Variants in CCL14 observed in about 807,000 individuals in gnomAD.
The protein encoded by CCL14 is C-C motif chemokine 14.
A neutral mutation model predicts 8.2 loss-of-function variants in CCL14; 8 were observed. The observed-to-expected ratio is 0.98, with a 90% CI of 0.57 to 1.76. The LOEUF is 1.76. CCL14 is among the 40% of genes most tolerant of loss of function. The probability of loss-of-function intolerance (pLI) is 0.00; values close to 1 mark genes in which losing one functional copy is unlikely to be tolerated. For missense variants in CCL14, 127 were observed against 118.3 expected, an observed-to-expected ratio of 1.07 and a Z score of -0.34; for synonymous variants, 50 against 43.2, an observed-to-expected ratio of 1.16 and a Z score of -0.62.
intron 1 of CCL14, chr17:35,985,599 C>T (rs1303014322): frequency 1.5e-6 from 1 of 670,416 alleles, no homozygotes; most frequent in Non-Finnish European, 2.6e-6. Flanking sequence ...TGTTTTCCAG[C>T]TCCATTCCAG....
chr17:35,983,771 G>T lies in CCL14; in HGVS notation c.*30C>A. ...TGGCATCTTCTCTTTATGTCTCTGA[G>T]CTGTGCCTTCGCCACCCCTTCTGGG... On this transcript the variant is annotated 3_prime_UTR_variant, in exon 3 of 3. Transcript: ENST00000618404. 1 of 1,490,304 alleles carries T rather than the reference G, an allele frequency of 6.7e-7. No homozygotes were observed. The highest frequency in any genetic ancestry group is 9.4e-7 in the Non-Finnish European group (1 of 1,067,028). The allele number at this position is 1,490,304 out of a possible 1,614,324, so 92.3% of individuals were successfully genotyped here.
intron 1 of CCL14, chr17:35,985,908 C>T (rs1264989044): frequency 1.7e-5 from 14 of 844,030 alleles, no homozygotes; most frequent in Non-Finnish European, 2.1e-5. Context: ...GGACCCCACA[C>T]TGTCGTGTTT....
intron 1 of CCL14, 198 bp from the exon 2 acceptor site, chr17:35,984,650 C>T (rs1357721284): frequency 1.7e-6 from 1 of 596,962 alleles, no homozygotes; most frequent in Admixed American, 3.0e-5. Flanking sequence ...TCTCCTCCCT[C>T]ATCATCAATC....
Position 35,983,781 on chromosome 17 carries a change from C to A in CCL14, c.*20G>T. The A allele has an allele frequency of 6.4e-7, 1 of 1,567,570 alleles. No homozygotes were observed. The highest frequency in any genetic ancestry group is 8.8e-7 in the Non-Finnish European group (1 of 1,137,592). ...TCTTTATGTCTCTGAGCTGTGCCTT[C>A]GCCACCCCTTCTGGGTCACTCAGTT... On this transcript the variant is annotated 3_prime_UTR_variant, in exon 3 of 3. Coordinates refer to ENST00000618404, the MANE Select transcript of CCL14 (RefSeq NM_032963.4).
intron 1 of CCL14, chr17:35,985,886 G>A: frequency 9.1e-7 from 1 of 1,100,824 alleles, no homozygotes; most frequent in Non-Finnish European, 1.4e-6. Flanking sequence ...CTGAGAAAAG[G>A]GGGCCTAGGA....
rs373690478 is a variant in CCL14 at position 35,983,852 on chromosome 17, G to A, written c.231C>T (p.Asn77=). 2.5e-5 allele frequency: 40 copies of A among 1,613,974 alleles called. No homozygotes were observed. The African/African-American group carries it at 4.9e-4, about 20-fold the overall frequency. The part of the protein sequence containing the change: ...ITKRGHSVCT[N]PSDKWVQDYI... ...AGTCCTGGACCCACTTGTCACTGGG[G>A]TTGGTACAGACGGAATGGCCCCTTT... The change falls in exon 3 of 3, where the codon AAC becomes AAT. Residue 77 remains asparagine (N), a synonymous_variant. Transcript: ENST00000618404.
chr17:35,983,960 C>T (rs2089714160), intron 2 of CCL14, 72 bp from the exon 3 acceptor site: 4 of 1,131,164 alleles, frequency 3.5e-6, no homozygotes, highest in Non-Finnish European at 5.4e-6. Flanking sequence ...CATCTTCCCT[C>T]CCTCCTAAAT....
At position 35,983,786 on chromosome 17, in the gene CCL14, C is replaced by T. The variant is rs2089709759; in HGVS notation, c.*15G>A. ...ATGTCTCTGAGCTGTGCCTTCGCCA[C>T]CCCTTCTGGGTCACTCAGTTCTCCT... On this transcript the variant is annotated 3_prime_UTR_variant, in exon 3 of 3. Transcript: ENST00000618404. The T allele has an allele frequency of 1.9e-6, 3 of 1,590,938 alleles. No individual in the cohort carries two copies. Among genetic ancestry groups the T allele is most frequent in the Non-Finnish European group, 2.6e-6 (3 of 1,158,874 alleles).
chr17:35,983,753 T>G lies in CCL14; in HGVS notation c.*48A>C. Reference sequence around the variant, plus strand: ...GGGTGGAGGAGGGGGCCTTGGCATCTTCTCTTTATGTCTCTGAGCTGTGCC... The same window carrying G: ...GGGTGGAGGAGGGGGCCTTGGCATCGTCTCTTTATGTCTCTGAGCTGTGCC... On this transcript the variant is annotated 3_prime_UTR_variant, in exon 3 of 3. Transcript: ENST00000618404. The G allele has an allele frequency of 7.2e-7, 1 of 1,380,170 alleles. No homozygotes were observed. The highest frequency in any genetic ancestry group is 2.3e-5 in the East Asian group (1 of 43,730). 85.5% of individuals were successfully genotyped at this position (1,380,170 alleles called of 1,614,324 possible).
In CCL14 at chr17:35,983,836, C is replaced by A; in HGVS notation, c.247G>T (p.Val83Phe). The change falls in exon 3 of 3, where the codon GTC becomes TTC. Residue 83 changes from valine (V) to phenylalanine (F), a missense_variant. Physicochemically the swap from Val to Phe is conservative, Grantham distance 50 (BLOSUM62 -1). Coordinates refer to ENST00000618404, the MANE Select transcript of CCL14 (RefSeq NM_032963.4). ...SVCTNPSDKW[V>F]QDYIKDMKEN ...TTCATGTCCTTGATATAGTCCTGGA[C>A]CCACTTGTCACTGGGGTTGGTACAG... 6.2e-7 allele frequency: 1 copy of A among 1,613,992 alleles called. No individual in the cohort carries two copies. The highest frequency in any genetic ancestry group is 1.3e-5 in the African/African-American group (1 of 75,016).
At chr17:35,984,781 AG>A (rs1197654746) in intron 1 of CCL14, 1 of 493,338 alleles carries the variant, frequency 2.0e-6, no homozygotes, top group Admixed American at 3.5e-5. Context: ...CTGGCAGAGA[AG>A]GCTAGGGACT....
chr17:35,986,589 T>C lies in CCL14; in HGVS notation c.61A>G (p.Lys21Glu), dbSNP rs768486408. The change falls in exon 1 of 3, where the codon AAG becomes GAG. Residue 21 changes from lysine to glutamate, a missense_variant. By Grantham distance (56) the Lys-to-Glu change is moderately conservative (BLOSUM62 1). Transcript: ENST00000618404. Reference sequence around the variant, plus strand: ...CACTCACGTGAGGAGGATTCAGTCTTGGTCCCTAGGGCGATGGTGATGAGG... The same window carrying C: ...CACTCACGTGAGGAGGATTCAGTCTCGGTCCCTAGGGCGATGGTGATGAGG... ...FLLITIALGT[K>E]TESSSRGPYH... The C allele has an allele frequency of 6.2e-7, 1 of 1,613,762 alleles. No homozygotes were observed. The highest frequency in any genetic ancestry group is 8.5e-7 in the Non-Finnish European group (1 of 1,179,782).
chr17:35,984,375 A>G lies in CCL14; in HGVS notation c.157T>C (p.Tyr53His). 6.2e-7 allele frequency: 1 copy of G among 1,613,936 alleles called. No homozygotes were observed. Among genetic ancestry groups the G allele is most frequent in the Non-Finnish European group, 8.5e-7 (1 of 1,179,944 alleles). The change falls in exon 2 of 3, where the codon TAT (tyrosine) becomes CAT (histidine). Residue 53 changes from tyrosine to histidine, a missense_variant. Tyr to His is a moderately conservative substitution (Grantham distance 83). Coordinates refer to ENST00000618404, the MANE Select transcript of CCL14 (RefSeq NM_032963.4). ...KIPRQRIMDY[Y>H]ETNSQCSKPG... ...TTGGAGCACTGGCTGTTGGTCTCAT[A>G]GTAATCCATAATCCGCTGACGCGGG...
In CCL14 at chr17:35,986,552, G is replaced by C. The variant is rs751520401; in HGVS notation, c.79+19C>G. On this transcript the variant is annotated intron_variant, in intron 1 of 2. Transcript: ENST00000618404. ...CCTGCAGGCTCTAGGTTGGAAGGAA[G>C]ACAAGGCATTGCACTCACGTGAGGA... The C allele has an allele frequency of 1.9e-6, 3 of 1,600,544 alleles. 1 individual carries two copies. In the South Asian group the frequency reaches 3.3e-5, roughly 18 times the overall value.
intron 1 of CCL14, chr17:35,985,908 C>A: frequency 1.2e-6 from 1 of 844,148 alleles, no homozygotes; most frequent in Non-Finnish European, 1.9e-6. Flanking sequence ...GGACCCCACA[C>A]TGTCGTGTTT....
chr17:35,986,163 G>T (rs1024976144), intron 1 of CCL14: 1 of 368,532 alleles, frequency 2.7e-6, no homozygotes, highest in Non-Finnish European at 4.8e-6. Flanking sequence ...TGAGGGCAAG[G>T]GGGGACTGGT....
intron 1 of CCL14, chr17:35,985,860 T>C: frequency 7.5e-7 from 1 of 1,327,882 alleles, no homozygotes; most frequent in Non-Finnish European, 1.1e-6. Context: ...AAAGGCAGCT[T>C]ATTCTAAGAA....
At chr17:35,984,045 C>T (rs978697533) in intron 2 of CCL14, among the ~76,000 whole-genome samples, 157 bp from the exon 3 acceptor site, 8 of 152,188 alleles carry the variant, frequency 5.3e-5, no homozygotes, top group African/African-American at 1.9e-4. Flanking sequence ...CTGAGACATA[C>T]TCTTCGGTTC....
Position 35,983,414 on chromosome 17 carries a change from A to G in CCL14, c.*387T>C. The G allele has an allele frequency of 4.8e-6, 1 of 207,784 alleles. No individual in the cohort carries two copies. The highest frequency in any genetic ancestry group is 9.7e-6 in the Non-Finnish European group (1 of 103,374). The allele number at this position is 207,784 out of a possible 1,614,324, so 12.9% of individuals were successfully genotyped here. A position where few individuals can be genotyped will look rare whatever the true frequency, so the allele number is the denominator to read the frequency against. On this transcript the variant is annotated 3_prime_UTR_variant, in exon 3 of 3. Coordinates refer to ENST00000618404, the MANE Select transcript of CCL14 (RefSeq NM_032963.4). ...ACAGACTGCCTAGCAGAGTGCTTGG[A>G]GTATAGAAAGCATTAAGAAAACGGG...
Sources: allele counts gnomAD v4.1 joint callset (sites outside exome capture counted in the v4.1 genomes callset), GRCh38; gene constraint gnomAD v4.1.1; transcripts MANE v1.5; gene names NCBI Gene and HGNC (gene_info 2026-07-23, HGNC 2026-07-21).